GRM7: variants seen among roughly 807,000 people sequenced by gnomAD.
The protein encoded by GRM7 is glutamate metabotropic receptor 7.
Under a neutral mutation model 84.5 loss-of-function variants are expected in GRM7, and 35 were observed. That is an observed-to-expected ratio of 0.41 (90% CI 0.32 to 0.55). The LOEUF is 0.55. Ranked by LOEUF, GRM7 falls within the 20% of genes least tolerant of loss-of-function variation. The pLI, the probability that GRM7 is intolerant of heterozygous loss-of-function variation, is 0.19. For missense variants in GRM7, 1,003 were observed against 1,194.6 expected (o/e 0.84, Z 2.36); for synonymous variants, 487 against 455.1 (o/e 1.07, Z -0.89).
intron 2 of GRM7, among the ~76,000 whole-genome samples, chr3:7,152,107 A>C (rs1173493054): frequency 2.6e-5 from 4 of 152,192 alleles, no homozygotes. Context: ...AGGTACATTT[A>C]AAACTAAACT....
chr3:6,910,220 A>T (rs766488185), intron 1 of GRM7, among the ~76,000 whole-genome samples: 8 of 152,176 alleles, frequency 5.3e-5, no homozygotes, highest in Non-Finnish European at 1.2e-4. Context: ...TCACTAATCC[A>T]TAGGTATCAC....
At chr3:7,633,420 T>C (rs1697940955) in intron 8 of GRM7, among the ~76,000 whole-genome samples, 1 of 152,138 alleles carries the variant, frequency 6.6e-6, no homozygotes, top group South Asian at 2.1e-4. Flanking sequence ...AACTTTTTTT[T>C]CCAGAGTCTG....
rs1700167612 is a variant in GRM7 at position 7,305,620 on chromosome 3, A to ATCCACCTTTTACTATTTTGGT, written c.879-878_879-877insTCCACCTTTTACTATTTTGGT. On this transcript the variant is annotated intron_variant, in intron 3 of 9. Coordinates refer to ENST00000357716, the MANE Select transcript of GRM7 (RefSeq NM_000844.4). ...GTGTTTGGTTTTTTGTTCTTGCGATAGTTTACTGAGAATGATTTTTTTCTT... is the reference window on the plus strand; with the variant it reads ...GTGTTTGGTTTTTTGTTCTTGCGATATCCACCTTTTACTATTTTGGTGTTTACTGAGAATGATTTTTTTCTT... Among the ~76,000 whole-genome samples the ATCCACCTTTTACTATTTTGGT allele has an allele frequency of 5.9e-4, 27 of 45,594 alleles. 5 individuals are homozygous for ATCCACCTTTTACTATTTTGGT. Among genetic ancestry groups the ATCCACCTTTTACTATTTTGGT allele is most frequent in the East Asian group, 1.3e-3 (2 of 1,500 alleles). 29.9% of individuals were successfully genotyped at this position (45,594 alleles called of 152,430 possible).
chr3:7,502,966 A>T (rs1699928641), intron 7 of GRM7, among the ~76,000 whole-genome samples: 1 of 152,192 alleles, frequency 6.6e-6, no homozygotes, highest in Non-Finnish European at 1.5e-5. Context: ...TAGGAATCTC[A>T]GTTTAAATTT....
intron 1 of GRM7, among the ~76,000 whole-genome samples, chr3:7,030,291 C>G (rs1021565721): frequency 3.9e-5 from 6 of 152,200 alleles, no homozygotes; most frequent in Non-Finnish European, 8.8e-5. Context: ...TAGGTTTGTA[C>G]GTGTGTGTCA....
At position 7,011,278 on chromosome 3, in the gene GRM7, A is replaced by G. The variant is rs574502465; in HGVS notation, c.520-135174A>G. Among the ~76,000 whole-genome samples, 6 of 152,362 alleles carry G rather than the reference A, an allele frequency of 3.9e-5. No homozygotes were observed. In the East Asian group the frequency reaches 1.2e-3, roughly 29 times the overall value. On this transcript the variant is annotated intron_variant, in intron 1 of 9. Coordinates refer to ENST00000357716, the MANE Select transcript of GRM7 (RefSeq NM_000844.4). ...ACAGCAATCAATATTATTAATGTAG[A>G]CATAAGTGGAAACTTTATATGTAGA...
chr3:7,329,734 C>T (rs767951013), intron 4 of GRM7, among the ~76,000 whole-genome samples: 20 of 151,952 alleles, frequency 1.3e-4, no homozygotes, highest in East Asian at 3.9e-4. Context: ...TGTGTGTATA[C>T]GTGTGTGTGT....
At chr3:7,363,478 G>C (rs1025225133) in intron 4 of GRM7, among the ~76,000 whole-genome samples, 2 of 152,040 alleles carry the variant, frequency 1.3e-5, no homozygotes, top group Non-Finnish European at 2.9e-5. Context: ...AATCATGGTA[G>C]ACCTTAGGAA....
intron 5 of GRM7, among the ~76,000 whole-genome samples, chr3:7,427,682 T>G (rs1228330485): frequency 6.6e-6 from 1 of 152,172 alleles, no homozygotes; most frequent in Non-Finnish European, 1.5e-5. Context: ...TCTTCAAAAG[T>G]CCCACTTTTA....
Position 6,861,308 on chromosome 3 carries a change from C to T in GRM7, c.-81C>T. On this transcript the variant is annotated 5_prime_UTR_variant, in exon 1 of 10. Transcript: ENST00000357716. The surrounding 1 kb of genome is among the most constrained non-coding windows in gnomAD (Gnocchi z 6.4). ...GCCCCTGGGCTTTCCCGGAGGAGCT[C>T]GCCCTGAAGGGCCCGGACCTCGGCG... The T allele has an allele frequency of 1.6e-6, 2 of 1,276,638 alleles. No individual in the cohort carries two copies. The highest frequency in any genetic ancestry group is 1.7e-5 in the South Asian group (1 of 57,884). The allele number at this position is 1,276,638 out of a possible 1,614,324, so 79.1% of individuals were successfully genotyped here.
chr3:7,444,140 A>G lies in GRM7; in HGVS notation c.1175-8467A>G, dbSNP rs146682517. Among the ~76,000 whole-genome samples, 440 of 152,298 alleles carry G rather than the reference A, an allele frequency of 2.9e-3. 3 individuals are homozygous for G. Among genetic ancestry groups the G allele is most frequent in the East Asian group, 0.01 (53 of 5,182 alleles). On this transcript the variant is annotated intron_variant, in intron 5 of 9. Coordinates refer to ENST00000357716, the MANE Select transcript of GRM7 (RefSeq NM_000844.4). Reference sequence around the variant, plus strand: ...CTGGCTTCTTAATGCATTTGTGAATAAACAGATTCATGAATGTCCTGAAAG... The same window carrying G: ...CTGGCTTCTTAATGCATTTGTGAATGAACAGATTCATGAATGTCCTGAAAG...
chr3:7,299,269 C>A (rs1240192482), intron 3 of GRM7, among the ~76,000 whole-genome samples: 1 of 152,004 alleles, frequency 6.6e-6, no homozygotes, highest in Non-Finnish European at 1.5e-5. Flanking sequence ...CTTTTCAGAA[C>A]TTGATCTTTC....
chr3:7,025,714 C>A (rs1695957808), intron 1 of GRM7, among the ~76,000 whole-genome samples: 1 of 152,256 alleles, frequency 6.6e-6, no homozygotes, highest in African/African-American at 2.4e-5. Flanking sequence ...TTACCTACAT[C>A]TTACTCTAAC....
intron 8 of GRM7, among the ~76,000 whole-genome samples, chr3:7,598,350 A>C (rs1377179160): frequency 6.6e-6 from 1 of 152,182 alleles, no homozygotes; most frequent in Non-Finnish European, 1.5e-5. Context: ...TGAGGAGCAC[A>C]TGGATATCTG....
intron 2 of GRM7, among the ~76,000 whole-genome samples, chr3:7,152,143 T>A (rs955938200): frequency 5.3e-5 from 8 of 152,172 alleles, no homozygotes; most frequent in African/African-American, 1.9e-4. Context: ...AAGACTTGCA[T>A]TTCATTTGTT....
At chr3:7,198,161 A>G (rs1294173227) in intron 2 of GRM7, among the ~76,000 whole-genome samples, 1 of 150,288 alleles carries the variant, frequency 6.7e-6, no homozygotes, top group Non-Finnish European at 1.5e-5. Flanking sequence ...ATGTTAAAAA[A>G]AAAAAAAAGA....
At chr3:6,952,536 T>C (rs1039076288) in intron 1 of GRM7, among the ~76,000 whole-genome samples, 2 of 152,190 alleles carry the variant, frequency 1.3e-5, no homozygotes, top group African/African-American at 4.8e-5. Context: ...AGAAGTCTTT[T>C]GGGCTCTGTC....
At chr3:6,885,273 C>T (rs1695648851) in intron 1 of GRM7, among the ~76,000 whole-genome samples, 1 of 152,124 alleles carries the variant, frequency 6.6e-6, no homozygotes, top group Non-Finnish European at 1.5e-5. Context: ...GGGCTACCCC[C>T]TAGGCAGCGT....
At chr3:7,424,357 A>G (rs1226258509) in intron 5 of GRM7, among the ~76,000 whole-genome samples, 1 of 152,078 alleles carries the variant, frequency 6.6e-6, no homozygotes, top group Non-Finnish European at 1.5e-5. Context: ...TAAGTAGCCC[A>G]TCTTTCCTTT....
Sources: allele counts gnomAD v4.1 joint callset (sites outside exome capture counted in the v4.1 genomes callset), GRCh38; gene constraint gnomAD v4.1.1; non-coding constraint Gnocchi (gnomAD v3.1); transcripts MANE v1.5; gene names NCBI Gene and HGNC (gene_info 2026-07-23, HGNC 2026-07-21).